KLC3: variants seen among roughly 807,000 people sequenced by gnomAD.
The protein encoded by KLC3 is kinesin light chain 2.
KLC3 carries 72 observed loss-of-function variants against 62.9 expected under a neutral mutation model. The observed-to-expected ratio is 1.15, with a 90% confidence interval of 0.95 to 1.39. The LOEUF (loss-of-function observed/expected upper bound fraction) is 1.39, where lower values mean the gene tolerates loss of function less well. Among genes scored for constraint, KLC3 ranks in the 40% most tolerant of loss-of-function variants. KLC3 has a pLI of 0.00. For synonymous variants in KLC3, 377 were observed against 300.5 expected (o/e 1.25, Z -2.63); for missense variants, 848 against 691.6 (o/e 1.23, Z -2.54).
intron 11 of KLC3, 84 bp from the exon 12 acceptor site, chr19:45,350,870 A>C (rs1971725225): frequency 1.3e-6 from 2 of 1,519,210 alleles, no homozygotes; most frequent in Non-Finnish European, 1.8e-6. Context: ...ATACACACAG[A>C]TCAAACCCTG....
Position 45,348,038 on chromosome 19 carries a change from G to T in KLC3, c.657G>T (p.Gly219=), listed in dbSNP as rs776106874. The T allele has an allele frequency of 1.9e-6, 3 of 1,605,370 alleles. No homozygotes were observed. Among genetic ancestry groups the T allele is most frequent in the Admixed American group, 3.4e-5 (2 of 58,736 alleles). Residue 219 remains glycine, a synonymous_variant, in exon 5 of 13, where the codon GGG becomes GGT. Transcript: ENST00000391946. Reference sequence around the variant, plus strand: ...ATAACCTCGTGATCCAGTACGCGGGGCAGGGCCGCTATGAGGTGGCGGTGC... The same window carrying T: ...ATAACCTCGTGATCCAGTACGCGGGTCAGGGCCGCTATGAGGTGGCGGTGC... The part of the protein sequence containing the change: ...TLHNLVIQYA[G]QGRYEVAVPL...
intron 8 of KLC3, 130 bp downstream of exon 8, chr19:45,349,732 G>T: frequency 1.1e-6 from 1 of 899,638 alleles, no homozygotes; most frequent in East Asian, 2.7e-5. Flanking sequence ...CTTGGAGCAA[G>T]TGTCAGACAC....
In KLC3 at chr19:45,350,934, C is replaced by T. The variant is rs760360288; in HGVS notation, c.1380-20C>T. 5.6e-6 allele frequency: 9 copies of T among 1,613,196 alleles called. No individual in the cohort carries two copies. In the South Asian group the frequency reaches 9.9e-5, roughly 18 times the overall value. On this transcript the variant is annotated intron_variant, in intron 11 of 12. Transcript: ENST00000391946. ...CCACTCCTGGATTCACTCATTTCCT[C>T]CCTGCTGCCCTCTTTGCAGAATGAA...
In KLC3 at chr19:45,349,692, A is replaced by AGCGTG. The variant is rs1568525909; in HGVS notation, c.1143+91_1143+92insCGTGG. 3.4e-4 allele frequency: 234 copies of AGCGTG among 678,600 alleles called. 2 individuals carry two copies. Among genetic ancestry groups the AGCGTG allele is most frequent in the Admixed American group, 1.8e-3 (50 of 27,416 alleles). 42.0% of individuals were successfully genotyped at this position (678,600 alleles called of 1,614,324 possible). On this transcript the variant is annotated intron_variant, in intron 8 of 12. Coordinates refer to ENST00000391946, the MANE Select transcript of KLC3 (RefSeq NM_177417.3). ...GGTTGGATACAGGGTGAGCAACGTG[A>AGCGTG]GGGTGGGGGGGGGCCCCCCAGGCCG...
Position 45,347,439 on chromosome 19 carries a change from C to T in KLC3, c.490-8C>T. 6.2e-7 allele frequency: 1 copy of T among 1,608,682 alleles called. No homozygotes were observed. The highest frequency in any genetic ancestry group is 1.1e-5 in the South Asian group (1 of 90,660). On this transcript the variant is annotated splice_region_variant and splice_polypyrimidine_tract_variant and intron_variant, in intron 3 of 12. Transcript: ENST00000391946. ...CCACCCCGGCCCCCCACTTTCCTGT[C>T]TCTGCAGCAGTCTGAGTCCCCGCCT...
chr19:45,341,656 T>C (rs1218462045), intron 1 of KLC3, among the ~76,000 whole-genome samples: 1 of 150,806 alleles, frequency 6.6e-6, no homozygotes, highest in Admixed American at 6.6e-5. Flanking sequence ...TGTGTGTCAC[T>C]GTGATGGTGC....
At chr19:45,343,627 G>A (rs895645343) in intron 1 of KLC3, among the ~76,000 whole-genome samples, 1 of 151,906 alleles carries the variant, frequency 6.6e-6, no homozygotes, top group African/African-American at 2.4e-5. Context: ...GAGCCACCGC[G>A]CCCAGGCTTG....
chr19:45,341,015 G>GC (rs1418311176), intron 1 of KLC3, among the ~76,000 whole-genome samples, 169 bp downstream of exon 1: 1 of 152,224 alleles, frequency 6.6e-6, no homozygotes, highest in Admixed American at 6.5e-5. Context: ...GGGGTCCCAT[G>GC]CCCCCCACCC....
chr19:45,346,506 AG>A, intron 2 of KLC3, 37 bp from the exon 3 acceptor site: 1 of 1,488,848 alleles, frequency 6.7e-7, no homozygotes, highest in Non-Finnish European at 9.0e-7. Context: ...CTGGCAGGGC[AG>A]GAACCAACCT....
intron 7 of KLC3, 148 bp downstream of exon 7, chr19:45,349,069 C>G: frequency 1.4e-6 from 1 of 720,182 alleles, no homozygotes; most frequent in Non-Finnish European, 2.3e-6. Flanking sequence ...TCACCCAACC[C>G]ATCACCCTTG....
intron 7 of KLC3, 88 bp from the exon 8 acceptor site, chr19:45,349,341 C>T (rs902901254): frequency 7.3e-7 from 1 of 1,366,418 alleles, no homozygotes; most frequent in South Asian, 1.4e-5. Flanking sequence ...ACCCTGTAAT[C>T]CCCAACTCAT....
chr19:45,341,972 A>T (rs943877002), intron 1 of KLC3, among the ~76,000 whole-genome samples: 2 of 151,612 alleles, frequency 1.3e-5, no homozygotes, highest in African/African-American at 4.9e-5. Context: ...AGTGTGTGGG[A>T]CTGTGCCTAT....
chr19:45,345,623 CG>C lies in KLC3; in HGVS notation c.84del (p.Gln29LysfsTer43), dbSNP rs1156951874. On this transcript the variant is annotated frameshift_variant, in exon 2 of 13. Coordinates refer to ENST00000391946, the MANE Select transcript of KLC3 (RefSeq NM_177417.3). LOFTEE classifies it high-confidence loss of function. The part of the protein sequence containing the change: ...LSPEELVRQT[R>X]QVVQGLEALR... ...CCCTGAGGAGCTGGTGCGGCAGACG[CG>C]GCAAGTGGTCCAGGGGCTGGAGGCG... 2 of 1,582,914 alleles carry C rather than the reference CG, an allele frequency of 1.3e-6. No homozygotes were observed. Among genetic ancestry groups the C allele is most frequent in the Non-Finnish European group, 1.7e-6 (2 of 1,165,962 alleles).
chr19:45,348,100 G>A lies in KLC3; in HGVS notation c.719G>A (p.Ser240Asn), dbSNP rs1208958778. ...CAGGCCTTGGAGGACCTGGAGCGCA[G>A]CTCGGGCCACTGCCACCCTGACGTG... Reference protein sequence around the residue: ...CRQALEDLERSSGHCHPDVAT... With the variant: ...CRQALEDLERNSGHCHPDVAT... Residue 240 changes from serine to asparagine, a missense_variant, in exon 5 of 13, where the codon AGC (serine) becomes AAC (asparagine). Ser to Asn is a conservative substitution (Grantham distance 46). Transcript: ENST00000391946. 7 of 1,602,436 alleles carry A rather than the reference G, an allele frequency of 4.4e-6. No homozygotes were observed. The highest frequency in any genetic ancestry group is 2.3e-5 in the East Asian group (1 of 44,424).
At chr19:45,346,421 C>T (rs1971491353) in intron 2 of KLC3, 123 bp from the exon 3 acceptor site, 3 of 848,314 alleles carry the variant, frequency 3.5e-6, no homozygotes, top group South Asian at 1.9e-5. Flanking sequence ...AGAGTCTCTG[C>T]AGAATCTGGG....
rs779720451 is a variant in KLC3, at chr19:45,345,474, TG to T, written c.-8-55del. On this transcript the variant is annotated intron_variant, in intron 1 of 12. Coordinates refer to ENST00000391946, the MANE Select transcript of KLC3 (RefSeq NM_177417.3). ...TGATGGCCATTATGGGAATAGAGGCTGGGGGCCAACTGACTGGCCCGGGCAA... is the reference window on the plus strand; with the variant it reads ...TGATGGCCATTATGGGAATAGAGGCTGGGGCCAACTGACTGGCCCGGGCAA... The T allele has an allele frequency of 1.9e-6, 3 of 1,547,834 alleles. No individual in the cohort carries two copies. The African/African-American group carries it at 4.1e-5, about 21-fold the overall frequency.
At chr19:45,345,163 G>C (rs114118390) in intron 1 of KLC3, 12 of 420,548 alleles carry the variant, frequency 2.9e-5, no homozygotes, top group African/African-American at 2.3e-4. Context: ...TGGGCCAGGG[G>C]ATCCAAGGGC....
chr19:45,350,324 C>T lies in KLC3; in HGVS notation c.1144-17C>T, dbSNP rs760592061. On this transcript the variant is annotated splice_polypyrimidine_tract_variant and intron_variant, in intron 8 of 12. Coordinates refer to ENST00000391946, the MANE Select transcript of KLC3 (RefSeq NM_177417.3). Reference sequence around the variant, plus strand: ...AACTGGGGTCCGAAAAGTTCCCAGACACTCCCTTCTCCGCAGGCCTCAGCC... The same window carrying T: ...AACTGGGGTCCGAAAAGTTCCCAGATACTCCCTTCTCCGCAGGCCTCAGCC... 4.2e-5 allele frequency: 68 copies of T among 1,608,528 alleles called. No individual in the cohort carries two copies. The highest frequency in any genetic ancestry group is 5.2e-5 in the Non-Finnish European group (61 of 1,177,058).
intron 1 of KLC3, chr19:45,345,293 C>T (rs1038362607): frequency 4.9e-6 from 3 of 612,176 alleles, no homozygotes; most frequent in Admixed American, 2.9e-5. Flanking sequence ...GGGCAGAACC[C>T]TGGGTTGGGA....
Sources: gnomAD v4.1 joint callset for allele counts (sites outside exome capture counted in the v4.1 genomes callset) on GRCh38, gnomAD v4.1.1 for gene constraint, MANE v1.5 for transcripts, NCBI Gene and HGNC (gene_info 2026-07-23, HGNC 2026-07-21) for gene names.